The following CCNI2 variants were observed in gnomAD, a reference collection of about 807,000 sequenced individuals.
CCNI2 encodes cyclin I family member 2.
A neutral mutation model predicts 33.2 loss-of-function variants in CCNI2; 32 were observed. The observed-to-expected ratio is 0.96, with a 90% confidence interval of 0.73 to 1.30. The LOEUF is 1.30. Ranked by LOEUF, CCNI2 falls within the 50% of genes most tolerant of loss-of-function variation. The pLI is 0.00. For missense variants in CCNI2, 452 were observed against 486.2 expected (o/e 0.93, Z 0.66); for synonymous variants, 231 against 219.9 (o/e 1.05, Z -0.45).
In CCNI2 at chr5:132,747,484, C is replaced by A. The variant is rs1237442664; in HGVS notation, c.-12C>A. 1 of 1,449,888 alleles carries A rather than the reference C, an allele frequency of 6.9e-7. No individual in the cohort carries two copies. The allele number at this position is 1,449,888 out of a possible 1,614,324, so 89.8% of individuals were successfully genotyped here. A position where few individuals can be genotyped will look rare whatever the true frequency, so the allele number is the denominator to read the frequency against. ...TTAAGCGGCAACTCAGACTCAGGAT[C>A]CCGCTCACGACATGGCCTCGGGCGC... On this transcript the variant is annotated 5_prime_UTR_variant, in exon 1 of 6. Transcript: ENST00000378731. This position sits in a 1 kb window ranked among gnomAD's most constrained non-coding sequence, Gnocchi z 4.1.
rs750540784 is a variant in CCNI2 at position 132,753,153 on chromosome 5, G to A, written c.*183G>A. ...AATAAAGGGGAGAGGGGAAAGGCAG[G>A]CTGAGGTCAGTAGAGGTCAGGGTGG... is the stretch of plus-strand genomic sequence containing the variant. On this transcript the variant is annotated 3_prime_UTR_variant, in exon 6 of 6. Coordinates refer to ENST00000378731, the MANE Select transcript of CCNI2 (RefSeq NM_001039780.4). 2.5e-5 allele frequency: 15 copies of A among 607,786 alleles called. No homozygotes were observed. Among genetic ancestry groups the A allele is most frequent in the South Asian group, 7.9e-5 (4 of 50,616 alleles). 37.6% of individuals were successfully genotyped at this position (607,786 alleles called of 1,614,324 possible).
rs1289187725 is a variant in CCNI2, at chr5:132,747,692, C to T, written c.197C>T (p.Ser66Phe). ...GGGACCCGCCAGCCCGGAGCGGCCT[C>T]CCTCCACGCGGCGTCCGCAGCAGTC... is the stretch of plus-strand genomic sequence containing the variant. The part of the protein sequence containing the change: ...CPGTRQPGAA[S>F]LHAASAAVPV... The change falls in exon 1 of 6, where the codon TCC becomes TTC. Residue 66 changes from serine to phenylalanine, a missense_variant. By Grantham distance (155) the Ser-to-Phe change is radical. Transcript: ENST00000378731. The surrounding 1 kb of genome is among the most constrained non-coding windows in gnomAD (Gnocchi z 4.1). The T allele has an allele frequency of 2.0e-6, 3 of 1,498,486 alleles. No individual in the cohort carries two copies. Among genetic ancestry groups the T allele is most frequent in the Non-Finnish European group, 8.8e-7 (1 of 1,131,286 alleles). The allele number at this position is 1,498,486 out of a possible 1,614,324, so 92.8% of individuals were successfully genotyped here.
chr5:132,753,607 T>C lies in CCNI2; in HGVS notation c.*637T>C, dbSNP rs1292806954. On this transcript the variant is annotated 3_prime_UTR_variant, in exon 6 of 6. Transcript: ENST00000378731. ...GTAACTTGAGCAAGCTTTAGGCATA[T>C]CTTTCCTTTGTTACTCTTAAGCAAA... 1.3e-5 allele frequency: 2 copies of C among 152,608 alleles called. No homozygotes were observed. The highest frequency in any genetic ancestry group is 2.9e-5 in the Non-Finnish European group (2 of 68,332). 9.5% of individuals were successfully genotyped at this position (152,608 alleles called of 1,614,324 possible).
intron 5 of CCNI2, 69 bp downstream of exon 5, chr5:132,752,265 A>G: frequency 1.4e-6 from 2 of 1,472,376 alleles, no homozygotes; most frequent in Non-Finnish European, 1.8e-6. Context: ...TCTGACCCCA[A>G]AGGGGTACCC....
intron 1 of CCNI2, 56 bp from the exon 2 acceptor site, chr5:132,748,291 G>A: frequency 6.2e-7 from 1 of 1,600,806 alleles, no homozygotes; most frequent in Non-Finnish European, 8.5e-7. Context: ...GCTGCTGGGG[G>A]ACCAGGAGTG....
chr5:132,749,096 A>G (rs915105852), intron 2 of CCNI2, among the ~76,000 whole-genome samples: 2 of 152,162 alleles, frequency 1.3e-5, no homozygotes, highest in African/African-American at 4.8e-5. Context: ...TCTCTACTAA[A>G]AATACAAAAA....
chr5:132,747,477 T>C lies in CCNI2; in HGVS notation c.-19T>C. ...TGCCGGGTTAAGCGGCAACTCAGAC[T>C]CAGGATCCCGCTCACGACATGGCCT... On this transcript the variant is annotated 5_prime_UTR_variant, in exon 1 of 6. Transcript: ENST00000378731. The surrounding 1 kb of genome is among the most constrained non-coding windows in gnomAD (Gnocchi z 4.1). The C allele has an allele frequency of 1.4e-6, 2 of 1,437,620 alleles. No homozygotes were observed. The highest frequency in any genetic ancestry group is 1.8e-6 in the Non-Finnish European group (2 of 1,101,608). 89.1% of individuals were successfully genotyped at this position (1,437,620 alleles called of 1,614,324 possible).
intron 5 of CCNI2, 92 bp from the exon 6 acceptor site, chr5:132,752,774 C>A: frequency 9.2e-7 from 1 of 1,087,958 alleles, no homozygotes; most frequent in Non-Finnish European, 1.4e-6. Context: ...CCTTCCTGAA[C>A]TTGCTTCATG....
At chr5:132,749,135 A>AG (rs1434558342) in intron 2 of CCNI2, among the ~76,000 whole-genome samples, 1 of 152,154 alleles carries the variant, frequency 6.6e-6, no homozygotes, top group African/African-American at 2.4e-5. Context: ...CCGCCCCTAT[A>AG]GTCCTAGCTA....
chr5:132,748,213 C>T lies in CCNI2; in HGVS notation c.430-134C>T, dbSNP rs527612148. 3.8e-4 allele frequency: 492 copies of T among 1,283,944 alleles called. 7 individuals are homozygous for T. In the South Asian group the frequency reaches 6.1e-3, roughly 16 times the overall value. 79.5% of individuals were successfully genotyped at this position (1,283,944 alleles called of 1,614,324 possible). ...GCCGCTGCGCCGGGGGGCGCTTACTCCCAGCGGGCATGCAGAGGAAGGGAC... is the reference window on the plus strand; with the variant it reads ...GCCGCTGCGCCGGGGGGCGCTTACTTCCAGCGGGCATGCAGAGGAAGGGAC... On this transcript the variant is annotated intron_variant, in intron 1 of 5. Transcript: ENST00000378731.
Position 132,753,464 on chromosome 5 carries a change from C to G in CCNI2, c.*494C>G, listed in dbSNP as rs1288129581. 1 of 159,590 alleles carries G rather than the reference C, an allele frequency of 6.3e-6. No homozygotes were observed. Among genetic ancestry groups the G allele is most frequent in the Non-Finnish European group, 1.4e-5 (1 of 72,148 alleles). The allele number at this position is 159,590 out of a possible 1,614,324, so 9.9% of individuals were successfully genotyped here. On this transcript the variant is annotated 3_prime_UTR_variant, in exon 6 of 6. Transcript: ENST00000378731. ...ACATATGTGGTGCTTCCAGTCCCAA[C>G]TACCCTGCCTGCCACTCCTCACATG...
At chr5:132,749,589 T>C (rs1754724009) in intron 3 of CCNI2, among the ~76,000 whole-genome samples, 167 bp downstream of exon 3, 1 of 152,070 alleles carries the variant, frequency 6.6e-6, no homozygotes, top group African/African-American at 2.4e-5. Context: ...CTTGTCAGGC[T>C]TTGAGACCCC....
chr5:132,748,859 A>G (rs532832044), intron 2 of CCNI2, among the ~76,000 whole-genome samples: 1 of 152,264 alleles, frequency 6.6e-6, no homozygotes, highest in East Asian at 1.9e-4. Context: ...AGTCATCTGC[A>G]GTTCTGAAAT....
chr5:132,750,932 C>G lies in CCNI2; in HGVS notation c.709C>G (p.Leu237Val). 2 of 1,614,276 alleles carry G rather than the reference C, an allele frequency of 1.2e-6. No homozygotes were observed. The highest frequency in any genetic ancestry group is 1.7e-6 in the Non-Finnish European group (2 of 1,180,044). Residue 237 changes from leucine to valine, a missense_variant, in exon 4 of 6, where the codon CTG (leucine) becomes GTG (valine). Physicochemically the swap from Leu to Val is conservative, Grantham distance 32 (BLOSUM62 1). Coordinates refer to ENST00000378731, the MANE Select transcript of CCNI2 (RefSeq NM_001039780.4). Reference sequence around the variant, plus strand: ...CCCGAATGAGCTGCTGAGGATGGAGCTGGCTATTCTGGACAGACTGCACTG... The same window carrying G: ...CCCGAATGAGCTGCTGAGGATGGAGGTGGCTATTCTGGACAGACTGCACTG... ...YSPNELLRME[L>V]AILDRLHWDL...
chr5:132,749,036 A>G (rs1462519750), intron 2 of CCNI2, among the ~76,000 whole-genome samples: 1 of 151,948 alleles, frequency 6.6e-6, no homozygotes, highest in Non-Finnish European at 1.5e-5. Flanking sequence ...GGTGTGGATC[A>G]CTTGAGGTCA....
At chr5:132,748,542 T>A in intron 2 of CCNI2, 67 bp downstream of exon 2, 1 of 1,586,442 alleles carries the variant, frequency 6.3e-7, no homozygotes, top group Non-Finnish European at 8.6e-7. Context: ...TCCCCATTCC[T>A]GCTTGAGAGG....
downstream of CCNI2, among the ~76,000 whole-genome samples, chr5:132,755,377 C>G (rs1755232227): frequency 6.6e-6 from 1 of 152,210 alleles, no homozygotes; most frequent in South Asian, 2.1e-4. Flanking sequence ...CACCATCAGG[C>G]TGTGTACTTT....
Position 132,747,461 on chromosome 5 carries a change from AAGC to A in CCNI2, c.-34_-32del. 1 of 1,405,818 alleles carries A rather than the reference AAGC, an allele frequency of 7.1e-7. No individual in the cohort carries two copies. Among genetic ancestry groups the A allele is most frequent in the Non-Finnish European group, 9.2e-7 (1 of 1,086,338 alleles). 87.1% of individuals were successfully genotyped at this position (1,405,818 alleles called of 1,614,324 possible). ...GAGCTGGGTTATAAAATGCCGGGTT[AAGC>A]GGCAACTCAGACTCAGGATCCCGCT... On this transcript the variant is annotated 5_prime_UTR_variant, in exon 1 of 6. The change abolishes the stop of an existing upstream ORF in the 5' untranslated region. Coordinates refer to ENST00000378731, the MANE Select transcript of CCNI2 (RefSeq NM_001039780.4). This position sits in a 1 kb window ranked among gnomAD's most constrained non-coding sequence, Gnocchi z 4.1.
At position 132,754,188 on chromosome 5, in the gene CCNI2, G is replaced by C; in HGVS notation, c.*1218G>C. 2.0e-6 allele frequency: 1 copy of C among 509,716 alleles called. No homozygotes were observed. 31.6% of individuals were successfully genotyped at this position (509,716 alleles called of 1,614,324 possible). On this transcript the variant is annotated 3_prime_UTR_variant, in exon 6 of 6. Coordinates refer to ENST00000378731, the MANE Select transcript of CCNI2 (RefSeq NM_001039780.4). Reference sequence around the variant, plus strand: ...CGATCCTGTATGAGTCTTATTTTGAGCTACCATGCATTTAGCCTTGCGAGA... The same window carrying C: ...CGATCCTGTATGAGTCTTATTTTGACCTACCATGCATTTAGCCTTGCGAGA...
Sources: gnomAD v4.1 joint callset for allele counts (sites outside exome capture counted in the v4.1 genomes callset) on GRCh38, gnomAD v4.1.1 for gene constraint, Gnocchi (gnomAD v3.1) non-coding constraint, MANE v1.5 for transcripts, NCBI Gene and HGNC (gene_info 2026-07-23, HGNC 2026-07-21) for gene names.